Variants in ERGIC1 observed in about 807,000 individuals in gnomAD.
ERGIC1 encodes endoplasmic reticulum-golgi intermediate compartment 1.
A neutral mutation model predicts 38.3 loss-of-function variants in ERGIC1; 19 were observed. The ratio of observed to expected loss-of-function variants is 0.50; its 90% CI spans 0.35 to 0.73. The LOEUF (loss-of-function observed/expected upper bound fraction) is 0.73, where lower values mean the gene tolerates loss of function less well. Ranked by LOEUF, ERGIC1 falls within the 30% of genes least tolerant of loss-of-function variation. The probability of loss-of-function intolerance (pLI) is 0.01; values close to 1 mark genes in which losing one functional copy is unlikely to be tolerated. For synonymous variants in ERGIC1, 124 were observed against 157.6 expected (o/e 0.79, Z 1.60); for missense variants, 294 against 389.2 (o/e 0.76, Z 2.06).
At chr5:172,892,399 T>C (rs1762590968) in intron 2 of ERGIC1, among the ~76,000 whole-genome samples, 1 of 152,184 alleles carries the variant, frequency 6.6e-6, no homozygotes, top group Non-Finnish European at 1.5e-5. Context: ...TATTAATAAC[T>C]GAAGGAAAGA....
rs540488226 is a variant in ERGIC1, at chr5:172,887,833, C to T, written c.21-866C>T. Among the ~76,000 whole-genome samples, 89 of 152,258 alleles carry T rather than the reference C, an allele frequency of 5.8e-4. 1 individual carries two copies. Among genetic ancestry groups the T allele is most frequent in the African/African-American group, 2.1e-3 (88 of 41,540 alleles). On this transcript the variant is annotated intron_variant, in intron 1 of 9. Coordinates refer to ENST00000393784, the MANE Select transcript of ERGIC1 (RefSeq NM_001031711.3). ...GGCAGGACTTTCTGTTAACCTCATG[C>T]CTTAGCATTCTTAAGAAGAGTCTCC... is the stretch of plus-strand genomic sequence containing the variant.
At chr5:172,896,653 A>G (rs1762729963) in intron 2 of ERGIC1, among the ~76,000 whole-genome samples, 1 of 152,192 alleles carries the variant, frequency 6.6e-6, no homozygotes, top group Non-Finnish European at 1.5e-5. Flanking sequence ...AGATTGTGAA[A>G]TATGTTGTCA....
At chr5:172,839,527 G>A (rs187099901) in intron 1 of ERGIC1, among the ~76,000 whole-genome samples, 1 of 152,062 alleles carries the variant, frequency 6.6e-6, no homozygotes, top group African/African-American at 2.4e-5. Flanking sequence ...TCATGCCATT[G>A]CATTCCACAC....
intron 4 of ERGIC1, among the ~76,000 whole-genome samples, chr5:172,911,484 T>A (rs1581566908): frequency 6.6e-6 from 1 of 152,152 alleles, no homozygotes; most frequent in African/African-American, 2.4e-5. Context: ...CCCTGCTGGA[T>A]CTGTGGGGCT....
rs755592795 is a variant in ERGIC1 at position 172,897,019 on chromosome 5, C to T, written c.100C>T (p.Leu34Phe). Residue 34 changes from leucine to phenylalanine, a missense_variant, in exon 3 of 10, where the codon CTC (leucine) becomes TTC (phenylalanine). Around this residue, in one of 3 missense-constraint regions of ERGIC1, gnomAD observed 163 missense variants for 225.8 expected, o/e 0.72. Coordinates refer to ENST00000393784, the MANE Select transcript of ERGIC1 (RefSeq NM_001031711.3). ...TCTTCCAGTCTCCATCTGCTGCTGC[C>T]TCTTCATCCTCTTCCTCTTCCTCTC... Reference protein sequence around the residue: ...TGAIISICCCLFILFLFLSEL... With the variant: ...TGAIISICCCFFILFLFLSEL... The T allele has an allele frequency of 1.2e-6, 2 of 1,614,150 alleles. No individual in the cohort carries two copies. The highest frequency in any genetic ancestry group is 2.2e-5 in the East Asian group (1 of 44,874).
chr5:172,945,495 T>G (rs1764101787), intron 9 of ERGIC1, among the ~76,000 whole-genome samples: 2 of 152,136 alleles, frequency 1.3e-5, no homozygotes, highest in Admixed American at 6.5e-5. Context: ...GAATAAGTAA[T>G]ATTTTACTGA....
At chr5:172,921,288 T>C (rs1763513391) in intron 5 of ERGIC1, among the ~76,000 whole-genome samples, 2 of 152,218 alleles carry the variant, frequency 1.3e-5, no homozygotes, top group African/African-American at 4.8e-5. Context: ...GGTTATTGGG[T>C]CCCTGAAGCA....
At chr5:172,865,573 A>G (rs999262365) in intron 1 of ERGIC1, among the ~76,000 whole-genome samples, 2 of 152,196 alleles carry the variant, frequency 1.3e-5, no homozygotes. Flanking sequence ...ATCAAGGTGC[A>G]CACCACTTTC....
chr5:172,903,171 C>T (rs1561726724), intron 3 of ERGIC1, among the ~76,000 whole-genome samples: 1 of 152,194 alleles, frequency 6.6e-6, no homozygotes, highest in Non-Finnish European at 1.5e-5. Context: ...CTCCTCCACT[C>T]AGGCTCATTC....
Position 172,877,522 on chromosome 5 carries a change from C to T in ERGIC1, c.21-11177C>T, listed in dbSNP as rs1762177482. Among the ~76,000 whole-genome samples the T allele has an allele frequency of 2.8e-5, 4 of 143,930 alleles. No homozygotes were observed. The South Asian group carries it at 8.7e-4, about 31-fold the overall frequency. 94.4% of individuals were successfully genotyped at this position (143,930 alleles called of 152,430 possible). On this transcript the variant is annotated intron_variant, in intron 1 of 9. Transcript: ENST00000393784. ...TTGCCCAGGCTGGAGTACAATGGCA[C>T]GATCTTGGCTCACTGCAACCTCCAC...
At chr5:172,935,385 C>G in intron 9 of ERGIC1, 75 bp downstream of exon 9, 9 of 1,597,678 alleles carry the variant, frequency 5.6e-6, no homozygotes, top group Non-Finnish European at 7.7e-6. Context: ...TTCCTTGGCA[C>G]CCCTCACCTG....
At chr5:172,861,989 A>T (rs972697722) in intron 1 of ERGIC1, among the ~76,000 whole-genome samples, 3 of 151,568 alleles carry the variant, frequency 2.0e-5, no homozygotes, top group Non-Finnish European at 2.9e-5. Context: ...TTTATTTTTT[A>T]ATTTTATTAT....
chr5:172,903,930 G>A (rs974877633), intron 3 of ERGIC1, among the ~76,000 whole-genome samples: 9 of 151,444 alleles, frequency 5.9e-5, no homozygotes, highest in African/African-American at 2.2e-4. Flanking sequence ...CAAGAAGGGT[G>A]TGGAATCGGC....
Position 172,859,970 on chromosome 5 carries a change from T to C in ERGIC1, c.20+25537T>C, listed in dbSNP as rs151290409. On this transcript the variant is annotated intron_variant, in intron 1 of 9. Coordinates refer to ENST00000393784, the MANE Select transcript of ERGIC1 (RefSeq NM_001031711.3). ...TTGCCTACAGGCCTTTTCTTAATTATTCAGCTCTGCCAGAGGTGCTTCTGT... is the reference window on the plus strand; with the variant it reads ...TTGCCTACAGGCCTTTTCTTAATTACTCAGCTCTGCCAGAGGTGCTTCTGT... Among the ~76,000 whole-genome samples the C allele has an allele frequency of 7.5e-4, 115 of 152,384 alleles. 1 individual carries two copies. The East Asian group carries it at 0.018, about 24-fold the overall frequency.
chr5:172,846,750 G>A lies in ERGIC1; in HGVS notation c.20+12317G>A, dbSNP rs1265323626. Among the ~76,000 whole-genome samples the A allele has an allele frequency of 1.3e-5, 2 of 152,226 alleles. No homozygotes were observed. Among genetic ancestry groups the A allele is most frequent in the Admixed American group, 6.5e-5 (1 of 15,288 alleles). On this transcript the variant is annotated intron_variant, in intron 1 of 9. Transcript: ENST00000393784. The surrounding 1 kb of genome is among the most constrained non-coding windows in gnomAD (Gnocchi z 4.0). The stretch of plus-strand genomic sequence containing the variant: ...AGAGTCTTTTAAGTCCCTTACAGTA[G>A]ACAGTGGTGGGCCTGTCTGGAGCTC...
chr5:172,848,637 T>C (rs1194931090), intron 1 of ERGIC1, among the ~76,000 whole-genome samples: 1 of 152,184 alleles, frequency 6.6e-6, no homozygotes, highest in Non-Finnish European at 1.5e-5. Context: ...GCCATATCTA[T>C]GTGTTCATCA....
intron 3 of ERGIC1, among the ~76,000 whole-genome samples, chr5:172,902,619 G>C (rs1165193961): frequency 6.6e-6 from 1 of 152,214 alleles, no homozygotes; most frequent in Non-Finnish European, 1.5e-5. Context: ...GGGGTGGGCA[G>C]AACCCGGTGA....
At chr5:172,944,564 G>A (rs1764078275) in intron 9 of ERGIC1, among the ~76,000 whole-genome samples, 1 of 152,198 alleles carries the variant, frequency 6.6e-6, no homozygotes, top group South Asian at 2.1e-4. Context: ...TCGCCTTGTT[G>A]GCCAGGCTGG....
intron 3 of ERGIC1, among the ~76,000 whole-genome samples, chr5:172,900,334 T>G (rs1554111019): frequency 2.6e-5 from 4 of 152,000 alleles, no homozygotes; most frequent in Non-Finnish European, 5.9e-5. Flanking sequence ...TGCCAGGACT[T>G]CCTCTCCCTC....
Sources: allele counts gnomAD v4.1 joint callset (sites outside exome capture counted in the v4.1 genomes callset), GRCh38; gene constraint gnomAD v4.1.1; regional missense constraint gnomAD v4.1.1; non-coding constraint Gnocchi (gnomAD v3.1); transcripts MANE v1.5; gene names NCBI Gene and HGNC (gene_info 2026-07-23, HGNC 2026-07-21).